KIAA0825: variants seen among roughly 807,000 people sequenced by gnomAD.
The protein encoded by KIAA0825 is KIAA0825.
In KIAA0825, 119 loss-of-function variants were observed where a neutral mutation model predicts 147.6. The observed-to-expected ratio is 0.81, with a 90% CI of 0.69 to 0.94. KIAA0825 has a LOEUF of 0.94. KIAA0825 is among the 40% of genes least tolerant of loss of function. KIAA0825 has a pLI of 0.00. For synonymous variants in KIAA0825, 470 were observed against 518.1 expected, an observed-to-expected ratio of 0.91 and a Z score of 1.26; for missense variants, 1,381 against 1,472.7, an observed-to-expected ratio of 0.94 and a Z score of 1.02.
At chr5:94,552,865 AAAGGT>A (rs1485308968) in intron 2 of KIAA0825, among the ~76,000 whole-genome samples, 3 of 152,212 alleles carry the variant, frequency 2.0e-5, no homozygotes, top group Non-Finnish European at 2.9e-5. Context: ...AGAAGCTGAG[AAAGGT>A]AAGGGGTAAA....
chr5:94,199,409 C>T (rs1771451182), intron 20 of KIAA0825, among the ~76,000 whole-genome samples: 1 of 152,180 alleles, frequency 6.6e-6, no homozygotes, highest in Admixed American at 6.5e-5. Flanking sequence ...GCACCTGTTG[C>T]ACCAGAGGAG....
chr5:94,363,192 A>G (rs1745318248), intron 20 of KIAA0825, among the ~76,000 whole-genome samples: 1 of 145,882 alleles, frequency 6.9e-6, no homozygotes, highest in South Asian at 2.1e-4. Context: ...TTTTTTTTTA[A>G]TCTTAGGACT....
intron 1 of KIAA0825, among the ~76,000 whole-genome samples, chr5:94,589,415 A>G (rs554085125): frequency 2.0e-5 from 3 of 152,322 alleles, no homozygotes; most frequent in Admixed American, 2.0e-4. Context: ...TAATTTTAAA[A>G]TCTTTTTTCA....
At chr5:94,172,001 TC>T (rs1768663539) in intron 20 of KIAA0825, among the ~76,000 whole-genome samples, 1 of 152,196 alleles carries the variant, frequency 6.6e-6, no homozygotes, top group African/African-American at 2.4e-5. Flanking sequence ...TCATTAGGAT[TC>T]CACGCTGAAG....
At chr5:94,497,128 A>G (rs2151098326) in intron 5 of KIAA0825, among the ~76,000 whole-genome samples, 1 of 152,328 alleles carries the variant, frequency 6.6e-6, no homozygotes, top group South Asian at 2.1e-4. Context: ...AAAATGAGGA[A>G]ACTGAAGGTC....
intron 20 of KIAA0825, among the ~76,000 whole-genome samples, chr5:94,341,561 G>A (rs927263667): frequency 6.6e-6 from 1 of 152,140 alleles, no homozygotes; most frequent in Non-Finnish European, 1.5e-5. Flanking sequence ...ATAGCAAAAG[G>A]AAGAGCATGG....
At chr5:94,500,178 C>G (rs1027389356) in intron 5 of KIAA0825, among the ~76,000 whole-genome samples, 1 of 152,104 alleles carries the variant, frequency 6.6e-6, no homozygotes, top group Non-Finnish European at 1.5e-5. Flanking sequence ...TTTCCAAAAC[C>G]TAGCCTCTGA....
chr5:94,591,038 T>C (rs1483217835), intron 1 of KIAA0825, among the ~76,000 whole-genome samples: 2 of 152,198 alleles, frequency 1.3e-5, no homozygotes, highest in African/African-American at 2.4e-5. Context: ...TCAAGCAGCA[T>C]ACATTTTCCT....
chr5:94,307,152 T>C (rs1392668141), intron 20 of KIAA0825, among the ~76,000 whole-genome samples: 2 of 151,836 alleles, frequency 1.3e-5, no homozygotes, highest in Non-Finnish European at 2.9e-5. Flanking sequence ...TGATAGTCTT[T>C]AGATCAACTC....
chr5:94,524,280 T>A (rs1265059839), intron 3 of KIAA0825, among the ~76,000 whole-genome samples, 182 bp from the exon 4 acceptor site: 3 of 151,614 alleles, frequency 2.0e-5, no homozygotes, highest in African/African-American at 4.8e-5. Context: ...AGAGTTCAAA[T>A]TTTCTGGCAG....
intron 20 of KIAA0825, among the ~76,000 whole-genome samples, chr5:94,242,081 T>G (rs1422551404): frequency 6.6e-6 from 1 of 152,228 alleles, no homozygotes; most frequent in Admixed American, 6.5e-5. Context: ...TTTCTAGAAT[T>G]AATTCTTTGC....
rs555062788 is a variant in KIAA0825, at chr5:94,564,054, T to TCAGTCTTC, written c.-2+18371_-2+18378dup. Among the ~76,000 whole-genome samples, 197 of 152,212 alleles carry TCAGTCTTC rather than the reference T, an allele frequency of 1.3e-3. 1 individual carries two copies. The highest frequency in any genetic ancestry group is 4.4e-3 in the African/African-American group (182 of 41,536). ...ATCAGAACCTCAAAATTATCTGATGTCAGTCTTCCCTCCAACCTCCTATAC... is the reference window on the plus strand; with the variant it reads ...ATCAGAACCTCAAAATTATCTGATGTCAGTCTTCCAGTCTTCCCTCCAACCTCCTATAC... On this transcript the variant is annotated intron_variant, in intron 2 of 20. Transcript: ENST00000682413.
At chr5:94,589,263 C>T (rs1433200137) in intron 1 of KIAA0825, among the ~76,000 whole-genome samples, 1 of 152,158 alleles carries the variant, frequency 6.6e-6, no homozygotes, top group East Asian at 1.9e-4. Context: ...TTTTGCATTT[C>T]TAACAAGGTC....
chr5:94,391,631 A>C lies in KIAA0825; in HGVS notation c.3360T>G (p.Thr1120=). 6.4e-7 allele frequency: 1 copy of C among 1,551,590 alleles called. No individual in the cohort carries two copies. Among genetic ancestry groups the C allele is most frequent in the African/African-American group, 1.4e-5 (1 of 73,170 alleles). The change falls in exon 18 of 21, where the codon ACT becomes ACG. Residue 1120 remains threonine, a synonymous_variant. Coordinates refer to ENST00000682413, the MANE Select transcript of KIAA0825 (RefSeq NM_001145678.3). The part of the protein sequence containing the change: ...LQEGDVALEL[T]EQKINTMVLD... ...GGACCATCGTGTTTATTTTCTGCTC[A>C]GTCAGTTCAAGAGCAACATCTCCTT...
chr5:94,548,600 T>C (rs959179768), intron 2 of KIAA0825, among the ~76,000 whole-genome samples: 2 of 152,044 alleles, frequency 1.3e-5, no homozygotes, highest in South Asian at 4.1e-4. Context: ...GACTAAACTC[T>C]CCAATCAAAA....
chr5:94,404,275 T>C (rs1203903331), intron 15 of KIAA0825, among the ~76,000 whole-genome samples: 2 of 152,192 alleles, frequency 1.3e-5, no homozygotes, highest in Non-Finnish European at 2.9e-5. Flanking sequence ...AATAAAGCCA[T>C]ATATTGTGTA....
intron 5 of KIAA0825, among the ~76,000 whole-genome samples, chr5:94,494,729 T>G (rs977552014): frequency 1.7e-4 from 26 of 152,320 alleles, no homozygotes; most frequent in African/African-American, 5.8e-4. Context: ...TATGTGTTAC[T>G]TTCTCGCATC....
chr5:94,158,414 G>T (rs1486240320), intron 20 of KIAA0825, among the ~76,000 whole-genome samples: 1 of 152,130 alleles, frequency 6.6e-6, no homozygotes, highest in East Asian at 1.9e-4. Flanking sequence ...AAACATGGAG[G>T]GTATTTTTGG....
rs781081603 is a variant in KIAA0825 at position 94,561,605 on chromosome 5, C to T, written c.-2+20828G>A. Among the ~76,000 whole-genome samples, 7 of 152,126 alleles carry T rather than the reference C, an allele frequency of 4.6e-5. 1 individual carries two copies. Among genetic ancestry groups the T allele is most frequent in the Non-Finnish European group, 8.8e-5 (6 of 68,026 alleles). On this transcript the variant is annotated intron_variant, in intron 2 of 20. Coordinates refer to ENST00000682413, the MANE Select transcript of KIAA0825 (RefSeq NM_001145678.3). ...ATGTCTGTCTTGCATATGGACTCTA[C>T]GCTTCTCATTTTATACATTTAATCT...
Sources: gnomAD v4.1 joint callset for allele counts (sites outside exome capture counted in the v4.1 genomes callset) on GRCh38, gnomAD v4.1.1 for gene constraint, MANE v1.5 for transcripts, NCBI Gene and HGNC (gene_info 2026-07-23, HGNC 2026-07-21) for gene names.